CAST: variants seen among roughly 807,000 people sequenced by gnomAD.
CAST encodes MIR583 host.
CAST carries 76 observed loss-of-function variants against 119.6 expected under a neutral mutation model. The observed-to-expected ratio is 0.64, with a 90% confidence interval of 0.53 to 0.77. The LOEUF (loss-of-function observed/expected upper bound fraction) is 0.77. Ranked by LOEUF, CAST falls within the 30% of genes least tolerant of loss-of-function variation. The pLI, the probability that CAST is intolerant of heterozygous loss-of-function variation, is 0.00. For synonymous variants in CAST, 319 were observed against 331.6 expected, an observed-to-expected ratio of 0.96 and a Z score of 0.41; for missense variants, 953 against 946.5, an observed-to-expected ratio of 1.01 and a Z score of -0.09.
At chr5:96,099,295 C>T in the CAST span, among the ~76,000 whole-genome samples, 3 of 152,112 alleles carry the variant, frequency 2.0e-5, no homozygotes, top group Admixed American at 6.6e-5. Flanking sequence ...TTCCTCTCTT[C>T]CTGTTTGGAT....
the CAST span, among the ~76,000 whole-genome samples, chr5:96,456,018 A>T: frequency 6.6e-6 from 1 of 152,202 alleles, no homozygotes; most frequent in Non-Finnish European, 1.5e-5. Flanking sequence ...AGAAAATGAA[A>T]GTGAGGAACA....
chr5:95,994,860 A>G, the CAST span, among the ~76,000 whole-genome samples: 1 of 152,176 alleles, frequency 6.6e-6, no homozygotes. Flanking sequence ...GAAACCTGTC[A>G]AAAGACTACA....
the CAST span, among the ~76,000 whole-genome samples, chr5:96,430,978 G>A: frequency 6.6e-6 from 1 of 152,202 alleles, no homozygotes; most frequent in Non-Finnish European, 1.5e-5. Flanking sequence ...CATGCCTAGA[G>A]CTAACAGGTG....
chr5:96,632,047 A>G (rs1423368682), intron 1 of CAST, among the ~76,000 whole-genome samples: 2 of 151,626 alleles, frequency 1.3e-5, no homozygotes, highest in African/African-American at 4.9e-5. Flanking sequence ...TATTATTATT[A>G]TAGCTATCCT....
At chr5:96,477,065 A>AACACACACACAC in the CAST span, among the ~76,000 whole-genome samples, 8 of 136,718 alleles carry the variant, frequency 5.9e-5, no homozygotes, top group African/African-American at 1.7e-4. Flanking sequence ...AATGTGCCAA[A>AACACACACACAC]ACACACACAC....
At chr5:96,506,005 G>C in the CAST span, among the ~76,000 whole-genome samples, 1 of 152,210 alleles carries the variant, frequency 6.6e-6, no homozygotes, top group African/African-American at 2.4e-5. Context: ...AGAAAGAAGA[G>C]ATTTTTCCAA....
chr5:96,395,534 A>G, the CAST span, among the ~76,000 whole-genome samples: 1 of 152,194 alleles, frequency 6.6e-6, no homozygotes, highest in Admixed American at 6.5e-5. Flanking sequence ...CAGCAAACCA[A>G]CACAGGAACA....
the CAST span, among the ~76,000 whole-genome samples, chr5:96,115,915 A>G: frequency 6.7e-6 from 1 of 150,290 alleles, no homozygotes; most frequent in Non-Finnish European, 1.5e-5. Flanking sequence ...TGACATGGTC[A>G]TTTCTTTCTT....
intron 29 of CAST, chr5:96,768,954 C>T (rs1343949011): frequency 2.0e-5 from 3 of 152,266 alleles, no homozygotes; most frequent in African/African-American, 4.8e-5. Context: ...TGTCTTTTAC[C>T]TCTGTGCTCC....
At chr5:96,343,794 A>G in the CAST span, among the ~76,000 whole-genome samples, 2 of 152,184 alleles carry the variant, frequency 1.3e-5, no homozygotes, top group East Asian at 3.8e-4. Flanking sequence ...GATGTCTTCA[A>G]TTTGATCAAA....
the CAST span, among the ~76,000 whole-genome samples, chr5:96,254,936 G>A: frequency 5.3e-5 from 8 of 151,872 alleles, no homozygotes; most frequent in East Asian, 1.9e-4. Flanking sequence ...CTCCTTTGTC[G>A]GGCATATTTG....
the CAST span, among the ~76,000 whole-genome samples, chr5:96,162,766 G>C: frequency 6.6e-6 from 1 of 152,102 alleles, no homozygotes; most frequent in African/African-American, 2.4e-5. Flanking sequence ...GTTTATCATG[G>C]TGTATAACCC....
the CAST span, among the ~76,000 whole-genome samples, chr5:96,032,968 T>C: frequency 1.3e-5 from 2 of 152,058 alleles, no homozygotes; most frequent in Non-Finnish European, 2.9e-5. Flanking sequence ...AATAAGCAAA[T>C]TCAGTAAAGT....
At chr5:96,452,881 C>T in the CAST span, among the ~76,000 whole-genome samples, 2 of 127,760 alleles carry the variant, frequency 1.6e-5, no homozygotes, top group African/African-American at 6.2e-5. Flanking sequence ...ACCCGGGAAG[C>T]GGAGCTTGCA....
the CAST span, among the ~76,000 whole-genome samples, chr5:96,187,184 T>G: frequency 6.6e-6 from 1 of 152,184 alleles, no homozygotes; most frequent in South Asian, 2.1e-4. Context: ...TTCTGTGGGA[T>G]CAGTGGTGAT....
At chr5:96,567,605 C>T (rs1746493154) in intron 1 of CAST, among the ~76,000 whole-genome samples, 2 of 152,158 alleles carry the variant, frequency 1.3e-5, no homozygotes, top group African/African-American at 2.4e-5. Context: ...TTGTACTTAA[C>T]CATTTTCCTA....
the CAST span, among the ~76,000 whole-genome samples, chr5:96,137,189 GC>G: frequency 1.3e-5 from 2 of 152,090 alleles, no homozygotes; most frequent in Non-Finnish European, 2.9e-5. Flanking sequence ...AGTTGTATGA[GC>G]CCCCTAACCA....
At chr5:96,225,274 C>T in the CAST span, among the ~76,000 whole-genome samples, 38 of 152,198 alleles carry the variant, frequency 2.5e-4, no homozygotes, top group Middle Eastern at 3.4e-3. Context: ...TCCTTCCCTT[C>T]CTTTTTTTCC....
At chr5:96,103,570 T>C in the CAST span, among the ~76,000 whole-genome samples, 5 of 150,920 alleles carry the variant, frequency 3.3e-5, no homozygotes, top group East Asian at 1.9e-4. Context: ...ATGGTGTATA[T>C]GTGCCACATT....
Sources: allele counts gnomAD v4.1 joint callset (sites outside exome capture counted in the v4.1 genomes callset), GRCh38; gene constraint gnomAD v4.1.1; transcripts MANE v1.5; gene names NCBI Gene and HGNC (gene_info 2026-07-23, HGNC 2026-07-21).